ARID3A: variants seen among roughly 807,000 people sequenced by gnomAD.
The protein encoded by ARID3A is AT-rich interactive domain-containing protein 3A.
In ARID3A, 11 loss-of-function variants were observed where a neutral mutation model predicts 52.7. The observed-to-expected ratio is 0.21, with a 90% CI of 0.13 to 0.35. The LOEUF (loss-of-function observed/expected upper bound fraction) is 0.35. Ranked by LOEUF, ARID3A falls within the 10% of genes least tolerant of loss-of-function variation. ARID3A has a pLI of 1.00. For missense variants in ARID3A, 721 were observed against 838.5 expected, an observed-to-expected ratio of 0.86 and a Z score of 1.73; for synonymous variants, 404 against 359.4, an observed-to-expected ratio of 1.12 and a Z score of -1.40.
At chr19:963,188 G>T (rs551614433) in intron 4 of ARID3A, among the ~76,000 whole-genome samples, 1 of 152,138 alleles carries the variant, frequency 6.6e-6, no homozygotes, top group Admixed American at 6.5e-5. Context: ...CCAGAACCTC[G>T]ATGTCCACGT....
Position 971,895 on chromosome 19 carries a change from C to A in ARID3A, c.1612C>A (p.Pro538Thr). 1 of 1,602,646 alleles carries A rather than the reference C, an allele frequency of 6.2e-7. No individual in the cohort carries two copies. The highest frequency in any genetic ancestry group is 8.5e-7 in the Non-Finnish European group (1 of 1,174,790). ...IMYTGVLFAQ[P>T]PAPTPTSAPN... ...TGCCTTAGGAGTTCTGTTTGCTCAG[C>A]CGCCGGCCCCCACGCCAACCTCTGC... The change falls in exon 9 of 9, where the codon CCG becomes ACG. Residue 538 changes from proline to threonine, a missense_variant. Physicochemically the swap from Pro to Thr is conservative, Grantham distance 38 (BLOSUM62 -1). This residue lies in a region of ARID3A where 297 missense variants were observed against 343.2 expected (regional missense o/e 0.87). Transcript: ENST00000263620.
Position 974,098 on chromosome 19 carries a change from C to T in ARID3A, c.*2033C>T, listed in dbSNP as rs1278817734. ...GGTGAGGAAGGGGACTCCCCAGCTC[C>T]CCCCACTCCCAACCACCTCCCCATT... is the stretch of plus-strand genomic sequence containing the variant. On this transcript the variant is annotated 3_prime_UTR_variant, in exon 9 of 9. Transcript: ENST00000263620. The T allele has an allele frequency of 4.0e-5, 9 of 226,598 alleles. No individual in the cohort carries two copies. Among genetic ancestry groups the T allele is most frequent in the Non-Finnish European group, 6.1e-5 (7 of 114,012 alleles). The allele number at this position is 226,598 out of a possible 1,614,324, so 14.0% of individuals were successfully genotyped here.
At chr19:970,494 T>G (rs1315901248) in intron 8 of ARID3A, among the ~76,000 whole-genome samples, 1 of 146,660 alleles carries the variant, frequency 6.8e-6, no homozygotes, top group Non-Finnish European at 1.5e-5. Flanking sequence ...AATGAATAGT[T>G]TTTCTTTTTT....
intron 3 of ARID3A, among the ~76,000 whole-genome samples, chr19:933,551 G>A (rs563163236): frequency 1.3e-5 from 2 of 152,282 alleles, no homozygotes; most frequent in African/African-American, 2.4e-5. Context: ...CTGGGCTCCC[G>A]CAGGGAGGTG....
chr19:968,448 C>T lies in ARID3A; in HGVS notation c.1539C>T (p.Thr513=). Residue 513 remains threonine, a synonymous_variant, in exon 8 of 9, where the codon ACC becomes ACT. Coordinates refer to ENST00000263620, the MANE Select transcript of ARID3A (RefSeq NM_005224.3). ...RQDSAVNLTG[T]NGSNSISMSV... ...ACTCTGCTGTGAACCTGACGGGCAC[C>T]AACGGCAGCAACAGCATCAGCATGT... The T allele has an allele frequency of 6.2e-7, 1 of 1,614,128 alleles. No homozygotes were observed. The highest frequency in any genetic ancestry group is 8.5e-7 in the Non-Finnish European group (1 of 1,179,988).
rs1409147025 is a variant in ARID3A, at chr19:960,534, G to A, written c.766+370G>A. Among the ~76,000 whole-genome samples the A allele has an allele frequency of 6.6e-6, 1 of 152,070 alleles. No individual in the cohort carries two copies. Among genetic ancestry groups the A allele is most frequent in the Non-Finnish European group, 1.5e-5 (1 of 67,992 alleles). On this transcript the variant is annotated intron_variant, in intron 4 of 8. Coordinates refer to ENST00000263620, the MANE Select transcript of ARID3A (RefSeq NM_005224.3). The surrounding 1 kb of genome is among the most constrained non-coding windows in gnomAD (Gnocchi z 4.3). The stretch of plus-strand genomic sequence containing the variant: ...ACCAGCCTCTGTGTTTAGGGAGTGG[G>A]GTCAGATTCGGGCTGGCCAGGTGGG...
At chr19:956,539 G>A (rs1189258624) in intron 3 of ARID3A, 1 of 152,238 alleles carries the variant, frequency 6.6e-6, no homozygotes, top group Non-Finnish European at 1.5e-5. Context: ...GGGACCCACC[G>A]GCCCGGCCAG....
At chr19:949,075 C>T (rs913857073) in intron 3 of ARID3A, among the ~76,000 whole-genome samples, 14 of 152,186 alleles carry the variant, frequency 9.2e-5, no homozygotes, top group African/African-American at 3.1e-4. Flanking sequence ...GCCTCCTTCC[C>T]GCCTCTCCGG....
intron 3 of ARID3A, among the ~76,000 whole-genome samples, chr19:953,388 A>C (rs1599409948): frequency 6.9e-6 from 1 of 145,648 alleles, no homozygotes; most frequent in Admixed American, 6.8e-5. Flanking sequence ...GAGCCCCGCC[A>C]CCCTCTCTCC....
chr19:927,682 TC>T (rs1282946561), intron 1 of ARID3A, among the ~76,000 whole-genome samples: 22 of 136,954 alleles, frequency 1.6e-4, no homozygotes, highest in African/African-American at 5.6e-4. Context: ...CTCAGCACTT[TC>T]TTGGGTTGGG....
In ARID3A at chr19:939,474, G is replaced by A. The variant is rs1297474575; in HGVS notation, c.693+6732G>A. Reference sequence around the variant, plus strand: ...TTGACACTCTTCTTGCAGAGAGGAAGAAAATGGAACGTTTACAGGGAGCCC... The same window carrying A: ...TTGACACTCTTCTTGCAGAGAGGAAAAAAATGGAACGTTTACAGGGAGCCC... On this transcript the variant is annotated intron_variant, in intron 3 of 8. Coordinates refer to ENST00000263620, the MANE Select transcript of ARID3A (RefSeq NM_005224.3). 2.0e-5 allele frequency among the ~76,000 whole-genome samples: 3 copies of A among 152,274 alleles called. No homozygotes were observed. In the East Asian group the frequency reaches 5.8e-4, roughly 29 times the overall value.
At chr19:967,296 C>T (rs1461855863) in intron 7 of ARID3A, among the ~76,000 whole-genome samples, 1 of 150,604 alleles carries the variant, frequency 6.6e-6, no homozygotes, top group East Asian at 2.0e-4. Context: ...GGCTGGGCAC[C>T]GTGGCTCATG....
In ARID3A at chr19:974,738, C is replaced by CGT. The variant is rs1378733930; in HGVS notation, c.*2682_*2683dup. The CGT allele has an allele frequency of 2.2e-5, 5 of 230,662 alleles. No individual in the cohort carries two copies. The highest frequency in any genetic ancestry group is 1.1e-4 in the African/African-American group (5 of 45,210). 14.3% of individuals were successfully genotyped at this position (230,662 alleles called of 1,614,324 possible). Reference sequence around the variant, plus strand: ...GGGCTGGGTCGTCTCCCTCGGGCTGCGTGTGTGTGTCGGGAATCCTGCGTG... The same window carrying CGT: ...GGGCTGGGTCGTCTCCCTCGGGCTGCGTGTGTGTGTGTCGGGAATCCTGCGTG... On this transcript the variant is annotated 3_prime_UTR_variant, in exon 9 of 9. Transcript: ENST00000263620.
chr19:973,703 T>C lies in ARID3A; in HGVS notation c.*1638T>C, dbSNP rs1300776580. The C allele has an allele frequency of 4.4e-6, 1 of 226,926 alleles. No individual in the cohort carries two copies. Among genetic ancestry groups the C allele is most frequent in the Non-Finnish European group, 8.8e-6 (1 of 114,198 alleles). 14.1% of individuals were successfully genotyped at this position (226,926 alleles called of 1,614,324 possible). The stretch of plus-strand genomic sequence containing the variant: ...CTTCCTCTTCTCCCAACCCCTTTTG[T>C]GCTGGGGCTGCGAGCTCCCCGAGTT... On this transcript the variant is annotated 3_prime_UTR_variant, in exon 9 of 9. Transcript: ENST00000263620.
chr19:954,181 C>T (rs959176360), intron 3 of ARID3A, among the ~76,000 whole-genome samples: 1 of 152,060 alleles, frequency 6.6e-6, no homozygotes, highest in South Asian at 2.1e-4. Context: ...TGAAAAACCC[C>T]CCACCCCACC....
intron 3 of ARID3A, among the ~76,000 whole-genome samples, chr19:940,090 G>C (rs1429164467): frequency 6.6e-6 from 1 of 152,010 alleles, no homozygotes; most frequent in African/African-American, 2.4e-5. Context: ...AGAGGAAGGG[G>C]CATTGGGGCT....
intron 2 of ARID3A, among the ~76,000 whole-genome samples, chr19:931,475 AC>A (rs2037326838): frequency 6.7e-6 from 1 of 150,148 alleles, no homozygotes; most frequent in Non-Finnish European, 1.5e-5. Context: ...AAACAACCAA[AC>A]AAAACCTAGC....
chr19:964,242 C>A lies in ARID3A; in HGVS notation c.767-6C>A. The A allele has an allele frequency of 6.2e-7, 1 of 1,607,382 alleles. No homozygotes were observed. Among genetic ancestry groups the A allele is most frequent in the African/African-American group, 1.3e-5 (1 of 74,938 alleles). ...CCCCCAACCTCCCTCTCGCCCCTTC[C>A]CCCAGGGACACCTGTGAACCGCATC... is the stretch of plus-strand genomic sequence containing the variant. On this transcript the variant is annotated splice_polypyrimidine_tract_variant and splice_region_variant and intron_variant, in intron 4 of 8. Coordinates refer to ENST00000263620, the MANE Select transcript of ARID3A (RefSeq NM_005224.3). This position sits in a 1 kb window ranked among gnomAD's most constrained non-coding sequence, Gnocchi z 5.7.
Position 964,199 on chromosome 19 carries a change from C to T in ARID3A, c.767-49C>T. 3 of 1,525,134 alleles carry T rather than the reference C, an allele frequency of 2.0e-6. No homozygotes were observed. Among genetic ancestry groups the T allele is most frequent in the African/African-American group, 1.4e-5 (1 of 73,340 alleles). 94.5% of individuals were successfully genotyped at this position (1,525,134 alleles called of 1,614,324 possible). A position where few individuals can be genotyped will look rare whatever the true frequency, so the allele number is the denominator to read the frequency against. On this transcript the variant is annotated intron_variant, in intron 4 of 8. Transcript: ENST00000263620. This position sits in a 1 kb window ranked among gnomAD's most constrained non-coding sequence, Gnocchi z 5.7. ...GGGCGGAGGCCAGGACACTCGGCTC[C>T]CTGCAGTGCCCAGGTGGCCCCCAAC...
Sources: allele counts gnomAD v4.1 joint callset (sites outside exome capture counted in the v4.1 genomes callset), GRCh38; gene constraint gnomAD v4.1.1; regional missense constraint gnomAD v4.1.1; non-coding constraint Gnocchi (gnomAD v3.1); transcripts MANE v1.5; gene names NCBI Gene and HGNC (gene_info 2026-07-23, HGNC 2026-07-21).